The following MNAT1 variants were observed in gnomAD, a reference collection of about 807,000 sequenced individuals.
MNAT1 encodes CDK-activating kinase assembly factor MAT1.
Under a neutral mutation model 42.0 loss-of-function variants are expected in MNAT1, and 43 were observed. The observed-to-expected ratio is 1.02, with a 90% CI of 0.80 to 1.32. MNAT1 has a LOEUF of 1.32. Among genes scored for constraint, MNAT1 ranks in the 40% most tolerant of loss-of-function variants. The pLI is 0.00. For missense variants in MNAT1, 306 were observed against 350.4 expected (o/e 0.87, Z 1.01); for synonymous variants, 118 against 120.0 (o/e 0.98, Z 0.11).
intron 7 of MNAT1, among the ~76,000 whole-genome samples, chr14:60,889,392 A>G (rs2034774731): frequency 6.6e-6 from 1 of 152,168 alleles, no homozygotes; most frequent in African/African-American, 2.4e-5. Flanking sequence ...AAAACTGGCT[A>G]GCCATATGTA....
intron 6 of MNAT1, among the ~76,000 whole-genome samples, chr14:60,826,458 A>T (rs1038113031): frequency 5.9e-5 from 9 of 151,862 alleles, no homozygotes; most frequent in Middle Eastern, 3.4e-3. Context: ...CTGGAACTAC[A>T]GGTGCATGCC....
chr14:60,963,136 C>A (rs1051972648), intron 7 of MNAT1, among the ~76,000 whole-genome samples: 1 of 152,092 alleles, frequency 6.6e-6, no homozygotes, highest in Non-Finnish European at 1.5e-5. Flanking sequence ...TGCGTGCCAC[C>A]ACGCCCGGCT....
chr14:60,845,617 A>G (rs1352787192), intron 6 of MNAT1, among the ~76,000 whole-genome samples: 1 of 152,116 alleles, frequency 6.6e-6, no homozygotes, highest in Non-Finnish European at 1.5e-5. Flanking sequence ...GAGATCTGCA[A>G]CCATAATCTT....
At chr14:60,934,644 G>C (rs767692529) in intron 7 of MNAT1, among the ~76,000 whole-genome samples, 1 of 152,290 alleles carries the variant, frequency 6.6e-6, no homozygotes, top group East Asian at 1.9e-4. Context: ...GGCCTCCCCA[G>C]CCATGTAGAA....
intron 1 of MNAT1, among the ~76,000 whole-genome samples, chr14:60,778,924 C>T (rs2031347921): frequency 6.6e-6 from 1 of 152,158 alleles, no homozygotes; most frequent in African/African-American, 2.4e-5. Flanking sequence ...ACTATCATAC[C>T]CAATCCTTAC....
chr14:60,789,532 A>G (rs945458211), intron 1 of MNAT1, among the ~76,000 whole-genome samples: 8 of 152,204 alleles, frequency 5.3e-5, no homozygotes, highest in African/African-American at 1.4e-4. Context: ...GCAATTCGCA[A>G]TAAAATGAGG....
intron 6 of MNAT1, among the ~76,000 whole-genome samples, chr14:60,867,726 A>G (rs1049736305): frequency 6.6e-6 from 1 of 151,832 alleles, no homozygotes; most frequent in Non-Finnish European, 1.5e-5. Flanking sequence ...TCACTTATAC[A>G]CTCCCCCCTT....
At chr14:60,904,270 G>A (rs1237516569) in intron 7 of MNAT1, among the ~76,000 whole-genome samples, 1 of 152,164 alleles carries the variant, frequency 6.6e-6, no homozygotes, top group Non-Finnish European at 1.5e-5. Context: ...ATATGCATGT[G>A]TATATAACAT....
chr14:60,892,301 A>G (rs1436359855), intron 7 of MNAT1, among the ~76,000 whole-genome samples: 1 of 152,032 alleles, frequency 6.6e-6, no homozygotes, highest in African/African-American at 2.4e-5. Flanking sequence ...ATATGTTTTG[A>G]TGGTCTGTTA....
chr14:60,926,482 A>G (rs916541668), intron 7 of MNAT1, among the ~76,000 whole-genome samples: 1 of 152,170 alleles, frequency 6.6e-6, no homozygotes, highest in African/African-American at 2.4e-5. Context: ...CCCACAGACC[A>G]TTCGTCAGTT....
intron 6 of MNAT1, among the ~76,000 whole-genome samples, chr14:60,839,364 T>C (rs1305718161): frequency 6.6e-6 from 1 of 152,194 alleles, no homozygotes; most frequent in East Asian, 1.9e-4. Flanking sequence ...TGGACACTTG[T>C]CTAGATGACC....
chr14:60,954,507 G>A (rs1487289804), intron 7 of MNAT1, among the ~76,000 whole-genome samples: 4 of 152,058 alleles, frequency 2.6e-5, no homozygotes, highest in Non-Finnish European at 4.4e-5. Flanking sequence ...GGTAGCTATT[G>A]TAAATGGGAT....
intron 6 of MNAT1, among the ~76,000 whole-genome samples, chr14:60,830,166 C>T (rs916300845): frequency 4.0e-5 from 6 of 151,882 alleles, no homozygotes; most frequent in African/African-American, 1.2e-4. Flanking sequence ...ATGGAAAGGA[C>T]GAAGGAATTT....
intron 1 of MNAT1, among the ~76,000 whole-genome samples, chr14:60,778,512 G>A (rs1327367098): frequency 2.0e-5 from 3 of 152,108 alleles, no homozygotes; most frequent in Non-Finnish European, 4.4e-5. Flanking sequence ...CATATTCTGG[G>A]TCCACATGTT....
intron 1 of MNAT1, among the ~76,000 whole-genome samples, chr14:60,749,423 C>A (rs2029973790): frequency 6.6e-6 from 1 of 151,944 alleles, no homozygotes; most frequent in Non-Finnish European, 1.5e-5. Context: ...CTGCTGTGGG[C>A]ATAAAAATAT....
At chr14:60,931,174 G>A (rs2035875009) in intron 7 of MNAT1, among the ~76,000 whole-genome samples, 1 of 152,124 alleles carries the variant, frequency 6.6e-6, no homozygotes, top group Non-Finnish European at 1.5e-5. Context: ...TGCAGGGTAA[G>A]GAATGAGTCT....
chr14:60,961,021 G>A (rs1345375183), intron 7 of MNAT1, among the ~76,000 whole-genome samples: 1 of 151,802 alleles, frequency 6.6e-6, no homozygotes, highest in African/African-American at 2.4e-5. Context: ...GGAGTGCAAT[G>A]GTGCGATCTC....
chr14:60,816,977 A>C (rs2139361418), intron 5 of MNAT1, among the ~76,000 whole-genome samples: 1 of 152,122 alleles, frequency 6.6e-6, no homozygotes, highest in Non-Finnish European at 1.5e-5. Flanking sequence ...AACAAGCTAA[A>C]GTCTTGACTA....
intron 6 of MNAT1, among the ~76,000 whole-genome samples, chr14:60,877,682 A>AACAGGGTTAACCCTGTGTTAACTAGGGTT (rs1251620381): frequency 6.6e-5 from 10 of 152,050 alleles, no homozygotes; most frequent in Admixed American, 1.3e-4. Flanking sequence ...TAAAATCAGC[A>AACAGGGTTAACCCTGTGTTAACTAGGGTT]AACACAGACT....
Sources: allele counts gnomAD v4.1 joint callset (sites outside exome capture counted in the v4.1 genomes callset), GRCh38; gene constraint gnomAD v4.1.1; transcripts MANE v1.5; gene names NCBI Gene and HGNC (gene_info 2026-07-23, HGNC 2026-07-21).